Variants in LAMA2 observed in about 807,000 individuals in gnomAD.
The protein encoded by LAMA2 is laminin subunit alpha-2.
A neutral mutation model predicts 364.8 loss-of-function variants in LAMA2; 269 were observed. The observed-to-expected ratio is 0.74, with a 90% confidence interval of 0.67 to 0.82. The LOEUF is 0.82. Ranked by LOEUF, LAMA2 falls within the 40% of genes least tolerant of loss-of-function variation. The pLI is 0.00. For synonymous variants in LAMA2, 1,379 were observed against 1,370.6 expected, an observed-to-expected ratio of 1.01 and a Z score of -0.14; for missense variants, 3,807 against 3,873.2, an observed-to-expected ratio of 0.98 and a Z score of 0.45.
At chr6:128,929,509 G>T in intron 1 of LAMA2, 7 of 861,102 alleles carry the variant, frequency 8.1e-6, no homozygotes, top group Non-Finnish European at 1.4e-5. Context: ...CGACCAGATC[G>T]ATTCTGCTTG....
At chr6:129,243,237 A>G (rs1423401881) in intron 12 of LAMA2, among the ~76,000 whole-genome samples, 2 of 152,146 alleles carry the variant, frequency 1.3e-5, no homozygotes, top group Non-Finnish European at 2.9e-5. Context: ...TTACTTTGTT[A>G]CACAGCAGAC....
At chr6:128,911,657 C>G (rs973345745) in intron 1 of LAMA2, among the ~76,000 whole-genome samples, 38 of 152,148 alleles carry the variant, frequency 2.5e-4, no homozygotes, top group African/African-American at 8.4e-4. Flanking sequence ...CATCTTGGCT[C>G]CTCCCCTAAA....
chr6:128,993,603 T>C (rs999439795), intron 1 of LAMA2, among the ~76,000 whole-genome samples: 6 of 152,170 alleles, frequency 3.9e-5, no homozygotes, highest in Non-Finnish European at 7.3e-5. Context: ...ATTTTTATGG[T>C]TGACAGTCGT....
intron 12 of LAMA2, among the ~76,000 whole-genome samples, chr6:129,212,739 T>C (rs139616165): frequency 7.2e-5 from 11 of 152,336 alleles, no homozygotes; most frequent in South Asian, 2.1e-4. Context: ...CTGAGTTTAA[T>C]TTGCTTTCAC....
chr6:128,947,300 G>A (rs1176511257), intron 1 of LAMA2, among the ~76,000 whole-genome samples: 1 of 152,110 alleles, frequency 6.6e-6, no homozygotes, highest in Admixed American at 6.6e-5. Context: ...AGGCTTTAAC[G>A]TTTTCCGTTT....
chr6:129,049,930 C>A lies in LAMA2; in HGVS notation c.125C>A (p.Ala42Asp), dbSNP rs1252908852. 6.2e-7 allele frequency: 1 copy of A among 1,613,702 alleles called. No homozygotes were observed. The highest frequency in any genetic ancestry group is 1.7e-5 in the Admixed American group (1 of 59,996). ...QAHQQRGLFP[A>D]VLNLASNALI... ...CCATCTTTTTCAGGTTTATTCCCTGCTGTCCTGAATCTTGCTTCTAATGCT... is the reference window on the plus strand; with the variant it reads ...CCATCTTTTTCAGGTTTATTCCCTGATGTCCTGAATCTTGCTTCTAATGCT... The change falls in exon 2 of 65, where the codon GCT becomes GAT. Residue 42 changes from alanine to aspartate, a missense_variant. Ala to Asp is a moderately radical substitution (Grantham distance 126). Around this residue, in one of 3 missense-constraint regions of LAMA2, gnomAD observed 394 missense variants for 403.5 expected, o/e 0.98. Transcript: ENST00000421865.
chr6:128,935,004 T>G (rs964050013), intron 1 of LAMA2, among the ~76,000 whole-genome samples: 4 of 152,182 alleles, frequency 2.6e-5, no homozygotes, highest in Non-Finnish European at 5.9e-5. Context: ...GTACAGATCT[T>G]TCACCTCCTT....
intron 3 of LAMA2, among the ~76,000 whole-genome samples, chr6:129,079,938 C>G (rs1773932731): frequency 6.6e-6 from 1 of 152,034 alleles, no homozygotes; most frequent in Non-Finnish European, 1.5e-5. Context: ...GTCGCCAATG[C>G]AAGGCCCATG....
intron 35 of LAMA2, among the ~76,000 whole-genome samples, chr6:129,386,797 A>T (rs750278927): frequency 6.6e-6 from 1 of 152,212 alleles, no homozygotes; most frequent in Non-Finnish European, 1.5e-5. Flanking sequence ...AAAGTAGCAC[A>T]CATACCAAAA....
At chr6:129,238,594 A>C (rs894983410) in intron 12 of LAMA2, among the ~76,000 whole-genome samples, 2 of 152,044 alleles carry the variant, frequency 1.3e-5, no homozygotes, top group African/African-American at 4.8e-5. Flanking sequence ...AGAGAGAGAG[A>C]GAGAGAGAGA....
chr6:129,421,182 T>C (rs1442697745), intron 40 of LAMA2, among the ~76,000 whole-genome samples: 1 of 152,106 alleles, frequency 6.6e-6, no homozygotes, highest in Non-Finnish European at 1.5e-5. Flanking sequence ...CTTTATAATT[T>C]CATTTTTTCC....
In LAMA2 at chr6:128,914,889, AATATT is replaced by A. The variant is rs368817337; in HGVS notation, c.112+31541_112+31545del. ...GTGTTCTTAAATTCAGTAGAATATT[AATATT>A]ATATTATACTTTTCCATTTTTAAAT... On this transcript the variant is annotated intron_variant, in intron 1 of 64. Coordinates refer to ENST00000421865, the MANE Select transcript of LAMA2 (RefSeq NM_000426.4). 1.1e-3 allele frequency among the ~76,000 whole-genome samples: 171 copies of A among 152,272 alleles called. 1 individual carries two copies. In the South Asian group the frequency reaches 0.019, roughly 17 times the overall value.
chr6:129,338,079 T>C (rs2114557707), intron 29 of LAMA2, among the ~76,000 whole-genome samples: 1 of 152,300 alleles, frequency 6.6e-6, no homozygotes, highest in South Asian at 2.1e-4. Flanking sequence ...AATATTACAA[T>C]ATTTGCTTTC....
At chr6:128,922,005 G>T (rs1052834496) in intron 1 of LAMA2, among the ~76,000 whole-genome samples, 1 of 151,890 alleles carries the variant, frequency 6.6e-6, no homozygotes, top group Middle Eastern at 3.2e-3. Context: ...ATGATTTCCA[G>T]TTTCATCCAT....
chr6:129,201,741 C>G (rs765370059), intron 12 of LAMA2, among the ~76,000 whole-genome samples: 2 of 152,062 alleles, frequency 1.3e-5, no homozygotes, highest in Non-Finnish European at 2.9e-5. Context: ...CAAAAACTAC[C>G]AGGTACATAA....
intron 12 of LAMA2, among the ~76,000 whole-genome samples, chr6:129,199,798 A>C (rs1291151820): frequency 6.6e-6 from 1 of 152,002 alleles, no homozygotes; most frequent in Admixed American, 6.6e-5. Context: ...GAAATTATAG[A>C]TGGGGTGCGA....
intron 33 of LAMA2, 37 bp from the exon 34 acceptor site, chr6:129,369,854 AT>A (rs750359311): frequency 6.4e-7 from 1 of 1,555,656 alleles, no homozygotes; most frequent in Non-Finnish European, 8.9e-7. Flanking sequence ...CTGCAAGGCC[AT>A]TTACTAAAAA....
intron 7 of LAMA2, among the ~76,000 whole-genome samples, 171 bp from the exon 8 acceptor site, chr6:129,154,334 C>A (rs1026664148): frequency 6.6e-6 from 1 of 152,004 alleles, no homozygotes; most frequent in Admixed American, 6.6e-5. Flanking sequence ...ATTGCTTGAA[C>A]CTGGAAGGCA....
intron 34 of LAMA2, among the ~76,000 whole-genome samples, chr6:129,381,288 T>C (rs1227730818): frequency 6.6e-6 from 1 of 152,122 alleles, no homozygotes; most frequent in African/African-American, 2.4e-5. Flanking sequence ...TTCAGTCAAG[T>C]CTAGACTAGA....
Sources: allele counts gnomAD v4.1 joint callset (sites outside exome capture counted in the v4.1 genomes callset), GRCh38; gene constraint gnomAD v4.1.1; regional missense constraint gnomAD v4.1.1; transcripts MANE v1.5; gene names NCBI Gene and HGNC (gene_info 2026-07-23, HGNC 2026-07-21).